The following ERG variants were observed in gnomAD, a reference collection of about 807,000 sequenced individuals.
ERG encodes transcriptional regulator ERG.
Under a neutral mutation model 55.3 loss-of-function variants are expected in ERG, and 9 were observed. The observed-to-expected ratio is 0.16, with a 90% CI of 0.10 to 0.28. ERG has a LOEUF of 0.28. Among genes scored for constraint, ERG ranks in the 10% least tolerant of loss-of-function variants. The probability of loss-of-function intolerance (pLI) is 1.00; values close to 1 mark genes in which losing one functional copy is unlikely to be tolerated. For synonymous variants in ERG, 223 were observed against 237.3 expected (o/e 0.94, Z 0.55); for missense variants, 434 against 631.6 (o/e 0.69, Z 3.35).
chr21:38,515,654 T>C (rs933035233), intron 2 of ERG, among the ~76,000 whole-genome samples: 8 of 151,924 alleles, frequency 5.3e-5, no homozygotes, highest in Non-Finnish European at 1.0e-4. Context: ...CTGATGAACA[T>C]CACTTCAGTT....
intron 2 of ERG, among the ~76,000 whole-genome samples, chr21:38,518,029 G>C (rs2146740791): frequency 6.6e-6 from 1 of 152,226 alleles, no homozygotes; most frequent in Non-Finnish European, 1.5e-5. Context: ...AATAAGTTCT[G>C]ATGTTGTATA....
At chr21:38,661,248 A>C (rs909092893) in intron 1 of ERG, among the ~76,000 whole-genome samples, 3 of 152,186 alleles carry the variant, frequency 2.0e-5, no homozygotes, top group African/African-American at 7.2e-5. Context: ...GCGAGAAGTG[A>C]TATTTTTCCA....
intron 3 of ERG, among the ~76,000 whole-genome samples, chr21:38,414,124 C>T (rs2073176925): frequency 6.6e-6 from 1 of 152,174 alleles, no homozygotes; most frequent in African/African-American, 2.4e-5. Flanking sequence ...CTTGGCTCTT[C>T]TAGCTTCTGG....
At chr21:38,409,523 C>T (rs915732783) in intron 3 of ERG, among the ~76,000 whole-genome samples, 2 of 147,042 alleles carry the variant, frequency 1.4e-5, no homozygotes, top group Non-Finnish European at 3.0e-5. Context: ...ACTCCGTGAT[C>T]CAAGGAGGAA....
chr21:38,569,401 C>T (rs892567756), intron 2 of ERG, among the ~76,000 whole-genome samples: 7 of 152,198 alleles, frequency 4.6e-5, no homozygotes, highest in Non-Finnish European at 8.8e-5. Context: ...GCAGTAGCTC[C>T]CACCTTTCCT....
At chr21:38,424,018 C>G (rs888380596) in intron 2 of ERG, among the ~76,000 whole-genome samples, 1 of 151,854 alleles carries the variant, frequency 6.6e-6, no homozygotes, top group East Asian at 1.9e-4. Context: ...CGAAAACAGG[C>G]CTTGCCTTCT....
chr21:38,374,827 T>C, the ERG span, among the ~76,000 whole-genome samples: 2 of 152,200 alleles, frequency 1.3e-5, no homozygotes, highest in Admixed American at 1.3e-4. Context: ...CCTTATATTG[T>C]TTTTTAAACC....
intron 1 of ERG, among the ~76,000 whole-genome samples, chr21:38,469,002 G>GAAAAA (rs796522125): frequency 3.2e-5 from 2 of 62,098 alleles, no homozygotes; most frequent in East Asian, 3.2e-4. Context: ...AAAAAAAAAA[G>GAAAAA]AAAAAAAAAA....
chr21:38,653,727 T>A (rs1419475793), intron 1 of ERG, among the ~76,000 whole-genome samples: 3 of 152,232 alleles, frequency 2.0e-5, no homozygotes, highest in Non-Finnish European at 4.4e-5. Flanking sequence ...TTGCAGTTGT[T>A]CGTCTAATCT....
intron 1 of ERG, among the ~76,000 whole-genome samples, chr21:38,469,061 A>G (rs1047304706): frequency 1.3e-5 from 2 of 151,478 alleles, no homozygotes; most frequent in Non-Finnish European, 2.9e-5. Context: ...GTCCAAAAAA[A>G]AACCATAGCC....
intron 1 of ERG, among the ~76,000 whole-genome samples, chr21:38,637,562 C>T (rs770975196): frequency 3.9e-5 from 6 of 152,118 alleles, no homozygotes; most frequent in Non-Finnish European, 7.4e-5. Flanking sequence ...GCAAGATTGT[C>T]CTGACAACTG....
intron 2 of ERG, among the ~76,000 whole-genome samples, chr21:38,522,043 C>T (rs2059598809): frequency 6.6e-6 from 1 of 152,150 alleles, no homozygotes; most frequent in South Asian, 2.1e-4. Context: ...TAACTACAAG[C>T]TGTATCATAC....
At chr21:38,389,676 C>G (rs1477743221) in intron 9 of ERG, among the ~76,000 whole-genome samples, 1 of 151,132 alleles carries the variant, frequency 6.6e-6, no homozygotes, top group East Asian at 1.9e-4. Flanking sequence ...GCCTGTGGCT[C>G]TGTGTTTGGG....
intron 2 of ERG, among the ~76,000 whole-genome samples, chr21:38,543,101 C>T (rs1048691444): frequency 3.9e-5 from 6 of 151,998 alleles, no homozygotes; most frequent in Non-Finnish European, 8.8e-5. Flanking sequence ...GGATCTTTCC[C>T]CAGTAGTGTG....
chr21:38,462,663 A>G (rs1388411617), intron 1 of ERG, among the ~76,000 whole-genome samples: 3 of 152,208 alleles, frequency 2.0e-5, no homozygotes, highest in African/African-American at 7.2e-5. Context: ...GCACATGGTG[A>G]TATGTTAAAT....
intron 1 of ERG, among the ~76,000 whole-genome samples, chr21:38,650,427 T>C (rs1211547361): frequency 2.0e-5 from 3 of 152,146 alleles, no homozygotes; most frequent in Non-Finnish European, 4.4e-5. Context: ...CCTGAACTCA[T>C]GAGTTCCAGA....
chr21:38,544,938 C>T (rs1400530583), intron 2 of ERG, among the ~76,000 whole-genome samples: 1 of 152,160 alleles, frequency 6.6e-6, no homozygotes, highest in Non-Finnish European at 1.5e-5. Context: ...CCTGAAATTG[C>T]TCATCCTCTT....
At chr21:38,437,439 G>A (rs1366374854) in intron 2 of ERG, among the ~76,000 whole-genome samples, 5 of 152,168 alleles carry the variant, frequency 3.3e-5, no homozygotes, top group Admixed American at 2.6e-4. Context: ...GCAGAAACAC[G>A]AGCATTGGCA....
At chr21:38,590,810 G>C (rs1326814233) in intron 1 of ERG, among the ~76,000 whole-genome samples, 1 of 152,222 alleles carries the variant, frequency 6.6e-6, no homozygotes, top group Non-Finnish European at 1.5e-5. Flanking sequence ...CCTAGTGAGA[G>C]AGACAGAGTT....
Sources: gnomAD v4.1 joint callset for allele counts (sites outside exome capture counted in the v4.1 genomes callset) on GRCh38, gnomAD v4.1.1 for gene constraint, MANE v1.5 for transcripts, NCBI Gene and HGNC (gene_info 2026-07-23, HGNC 2026-07-21) for gene names.